The following POLR2F variants were observed in gnomAD, a reference collection of about 807,000 sequenced individuals.
POLR2F encodes the protein DNA-directed RNA polymerases I, II, and III subunit RPABC2.
In POLR2F, 12 loss-of-function variants were observed where a neutral mutation model predicts 22.7. The ratio of observed to expected loss-of-function variants is 0.53; its 90% CI spans 0.34 to 0.86. POLR2F has a LOEUF of 0.86. POLR2F is among the 40% of genes least tolerant of loss of function. The pLI is 0.02. For synonymous variants in POLR2F, 57 were observed against 66.0 expected (o/e 0.86, Z 0.66); for missense variants, 126 against 171.5 (o/e 0.73, Z 1.48).
exon 2 of POLR2F, chr22:38,025,957 T>C (rs375807049): frequency 3.0e-5 from 19 of 635,974 alleles, no homozygotes; most frequent in Non-Finnish European, 5.8e-5. Flanking sequence ...TGACTCTGAA[T>C]CTAGAAGTCA....
At chr22:38,030,031 T>C (rs758194926), downstream of POLR2F, among the ~76,000 whole-genome samples, 9 of 152,196 alleles carry the variant, frequency 5.9e-5, no homozygotes, top group Non-Finnish European at 1.3e-4. Flanking sequence ...GCAAGGGCCT[T>C]TTCCACAAGC....
rs767862236 is a variant in POLR2F at position 37,956,796 on chromosome 22, A to T, written c.44A>T (p.Asp15Val). 3 of 1,613,974 alleles carry T rather than the reference A, an allele frequency of 1.9e-6. No homozygotes were observed. The South Asian group carries it at 3.3e-5, about 18-fold the overall frequency. The stretch of plus-strand genomic sequence containing the variant: ...AGTTTTGATGGCGACGACTTTGATG[A>T]TGTGGAGGAGGATGAAGGGCTAGAT... ...EDNFDGDDFD[D>V]VEEDEGLDDL... Residue 15 changes from aspartate (D) to valine (V), a missense_variant, in exon 2 of 5, where the codon GAT (aspartate) becomes GTT (valine). Transcript: ENST00000442738.
intron 4 of POLR2F, among the ~76,000 whole-genome samples, chr22:37,977,433 G>C (rs923579119): frequency 6.6e-6 from 1 of 151,542 alleles, no homozygotes; most frequent in East Asian, 2.0e-4. Flanking sequence ...CCATCCTCCT[G>C]CCTCAGCCTC....
upstream of POLR2F, chr22:37,983,956 C>A: frequency 2.4e-6 from 1 of 410,258 alleles, no homozygotes; most frequent in Non-Finnish European, 4.0e-6. This position sits in a 1 kb window ranked among gnomAD's most constrained non-coding sequence, Gnocchi z 9.5. Context: ...CCCGAGGTGG[C>A]GGCCCTTCCT....
intron 1 of POLR2F, among the ~76,000 whole-genome samples, chr22:37,995,060 C>G (rs1445787865): frequency 6.6e-6 from 1 of 152,232 alleles, no homozygotes; most frequent in Non-Finnish European, 1.5e-5. Flanking sequence ...ATGGGAGGAG[C>G]TGCTTCCGAC....
Position 37,974,337 on chromosome 22 carries a change from C to G in POLR2F, c.293+7167C>G. Reference sequence around the variant, plus strand: ...CCTTGTAAGTTTCACATTTTGGCAGCATGAGTCGGGTTTTTTTTTGTTTTT... The same window carrying G: ...CCTTGTAAGTTTCACATTTTGGCAGGATGAGTCGGGTTTTTTTTTGTTTTT... On this transcript the variant is annotated intron_variant, in intron 4 of 4. Transcript: ENST00000405557. The surrounding 1 kb of genome is among the most constrained non-coding windows in gnomAD (Gnocchi z 5.4). 1.6e-6 allele frequency: 1 copy of G among 643,930 alleles called. No individual in the cohort carries two copies. The highest frequency in any genetic ancestry group is 2.7e-6 in the Non-Finnish European group (1 of 374,656). The allele number at this position is 643,930 out of a possible 1,614,324, so 39.9% of individuals were successfully genotyped here. A position where few individuals can be genotyped will look rare whatever the true frequency, so the allele number is the denominator to read the frequency against.
In POLR2F at chr22:38,035,389, C is replaced by T. The variant is rs538016766; in HGVS notation, c.453-5679C>T. The stretch of plus-strand genomic sequence containing the variant: ...GACAGATGAGGATGCTGAGGCCTAA[C>T]AGGCCAAGGGGCTGCTGCCCAACGG... On this transcript the variant is annotated intron_variant, in intron 5 of 5. Coordinates refer to the POLR2F transcript ENST00000407936. 4.7e-4 allele frequency among the ~76,000 whole-genome samples: 71 copies of T among 152,334 alleles called. 1 individual carries two copies. The highest frequency in any genetic ancestry group is 7.9e-4 in the Non-Finnish European group (54 of 68,036).
intron 1 of POLR2F, among the ~76,000 whole-genome samples, chr22:38,003,389 G>T (rs1259135429): frequency 6.6e-6 from 1 of 152,140 alleles, no homozygotes; most frequent in East Asian, 1.9e-4. Flanking sequence ...GCCACACCTG[G>T]CTAACTTAGG....
chr22:37,969,845 G>C (rs571081823), downstream of POLR2F, among the ~76,000 whole-genome samples: 2 of 151,648 alleles, frequency 1.3e-5, no homozygotes, highest in Non-Finnish European at 2.9e-5. Context: ...TTTTTTTTTC[G>C]ATGGTTACTG....
At chr22:38,025,578 G>A in intron 1 of POLR2F, 2 of 1,499,722 alleles carry the variant, frequency 1.3e-6, no homozygotes. Context: ...CTCATTTCCA[G>A]ACTTCTCTGG....
At chr22:37,966,040 A>G (rs1200672257) in intron 3 of POLR2F, among the ~76,000 whole-genome samples, 16 of 152,156 alleles carry the variant, frequency 1.1e-4, no homozygotes, top group Non-Finnish European at 4.4e-5. Context: ...CTGGGCCACT[A>G]GGAGCTCATG....
Position 38,017,364 on chromosome 22 carries a change from T to TG in POLR2F, c.121-8500dup, listed in dbSNP as rs1279220649. Among the ~76,000 whole-genome samples the TG allele has an allele frequency of 1.3e-5, 2 of 151,962 alleles. No individual in the cohort carries two copies. The highest frequency in any genetic ancestry group is 2.9e-5 in the Non-Finnish European group (2 of 67,958). On this transcript the variant is annotated intron_variant, in intron 1 of 2. Transcript: ENST00000333418. The surrounding 1 kb of genome is among the most constrained non-coding windows in gnomAD (Gnocchi z 4.1). Reference sequence around the variant, plus strand: ...TCATGCTCAATGTCAGCTTGGCTCTTGGGGGTCTGTCTCCCAGCTGGGCCT... The same window carrying TG: ...TCATGCTCAATGTCAGCTTGGCTCTTGGGGGGTCTGTCTCCCAGCTGGGCCT...
chr22:38,010,602 GTTTTTTTTTTTTTT>G lies in POLR2F; in HGVS notation c.121-15253_121-15240del, dbSNP rs1159353447. Among the ~76,000 whole-genome samples the G allele has an allele frequency of 4.3e-3, 262 of 60,902 alleles. 3 individuals are homozygous for G. Among genetic ancestry groups the G allele is most frequent in the Non-Finnish European group, 6.6e-3 (209 of 31,640 alleles). 40.0% of individuals were successfully genotyped at this position (60,902 alleles called of 152,430 possible). A position where few individuals can be genotyped will look rare whatever the true frequency, so the allele number is the denominator to read the frequency against. On this transcript the variant is annotated intron_variant, in intron 1 of 2. Transcript: ENST00000333418. ...TAAATATGTAGTAATAATTCCTTGT[GTTTTTTTTTTTTTT>G]TTTTTTTTTTTTTGCTTTGAGAGGG... is the stretch of plus-strand genomic sequence containing the variant.
intron 1 of POLR2F, among the ~76,000 whole-genome samples, chr22:37,991,206 C>T (rs879475510): frequency 8.7e-4 from 17 of 19,616 alleles, no homozygotes; most frequent in Admixed American, 2.5e-3. Context: ...ACTGCCACTT[C>T]CACCTCCTGT....
chr22:38,019,051 G>A (rs745384648), intron 1 of POLR2F, among the ~76,000 whole-genome samples: 1 of 152,094 alleles, frequency 6.6e-6, no homozygotes. Flanking sequence ...GGGAGGGGGT[G>A]GAAGAGGTTG....
chr22:37,994,861 C>T (rs2084697963), intron 1 of POLR2F, among the ~76,000 whole-genome samples: 1 of 152,008 alleles, frequency 6.6e-6, no homozygotes, highest in South Asian at 2.1e-4. Flanking sequence ...AAGCTGGTCT[C>T]ATTGAACTCC....
intron 4 of POLR2F, among the ~76,000 whole-genome samples, chr22:37,976,945 T>C (rs1256976829): frequency 2.0e-5 from 3 of 151,794 alleles, no homozygotes; most frequent in East Asian, 1.9e-4. Context: ...GGCGGGCAGA[T>C]TGCCTGAGCT....
chr22:37,974,243 G>C, downstream of POLR2F: 1 of 1,482,518 alleles, frequency 6.7e-7, no homozygotes, highest in Non-Finnish European at 9.2e-7. The surrounding 1 kb of genome is among the most constrained non-coding windows in gnomAD (Gnocchi z 5.4). Flanking sequence ...GGGGGAAGCA[G>C]GTTAGAGGCA....
rs753344923 is a variant in POLR2F at position 37,953,753 on chromosome 22, C to T, written c.-35C>T. ...GCTGTTTGCGGGTCTCCGCGCGGGA[C>T]CGGGGCGCAGCGGGGTCGCTGAGGC... On this transcript the variant is annotated 5_prime_UTR_variant, in exon 1 of 5. Transcript: ENST00000442738. 4 of 1,602,504 alleles carry T rather than the reference C, an allele frequency of 2.5e-6. No homozygotes were observed. The African/African-American group carries it at 5.3e-5, about 21-fold the overall frequency.
Sources: gnomAD v4.1 joint callset for allele counts (sites outside exome capture counted in the v4.1 genomes callset) on GRCh38, gnomAD v4.1.1 for gene constraint, Gnocchi (gnomAD v3.1) non-coding constraint, MANE v1.5 for transcripts, NCBI Gene and HGNC (gene_info 2026-07-23, HGNC 2026-07-21) for gene names.